The following TAFA2 variants were observed in gnomAD, a reference collection of about 807,000 sequenced individuals.
The protein encoded by TAFA2 is chemokine-like protein TAFA-2.
TAFA2 carries 7 observed loss-of-function variants against 18.8 expected under a neutral mutation model. That is an observed-to-expected ratio of 0.37 (90% confidence interval 0.21 to 0.70). The LOEUF (loss-of-function observed/expected upper bound fraction) is 0.70, where lower values mean the gene tolerates loss of function less well. Among genes scored for constraint, TAFA2 ranks in the 30% least tolerant of loss-of-function variants. TAFA2 has a pLI of 0.53. For synonymous variants in TAFA2, 60 were observed against 54.2 expected (o/e 1.11, Z -0.47); for missense variants, 122 against 158.1 (o/e 0.77, Z 1.23).
chr12:61,928,202 A>G (rs1198804626), intron 1 of TAFA2, among the ~76,000 whole-genome samples: 1 of 152,174 alleles, frequency 6.6e-6, no homozygotes, highest in Non-Finnish European at 1.5e-5. Flanking sequence ...GCAAAAGAAA[A>G]TATCATCAGA....
intron 1 of TAFA2, among the ~76,000 whole-genome samples, chr12:61,892,862 A>C (rs928018305): frequency 2.0e-5 from 3 of 152,216 alleles, no homozygotes; most frequent in African/African-American, 7.2e-5. Context: ...GTATGTCCTA[A>C]TAGTTTATAG....
intron 1 of TAFA2, among the ~76,000 whole-genome samples, chr12:62,115,816 A>C (rs1292717133): frequency 1.3e-5 from 2 of 152,154 alleles, no homozygotes; most frequent in African/African-American, 2.4e-5. Flanking sequence ...TCACTGGCCC[A>C]AGCAGGTGAT....
At chr12:62,034,303 G>A (rs150474033) in intron 1 of TAFA2, among the ~76,000 whole-genome samples, 3 of 152,206 alleles carry the variant, frequency 2.0e-5, no homozygotes, top group African/African-American at 2.4e-5. Context: ...GTCAGGTACC[G>A]CCTGGCAGAT....
intron 1 of TAFA2, among the ~76,000 whole-genome samples, chr12:62,132,346 A>G (rs928600859): frequency 2.6e-5 from 4 of 151,726 alleles, no homozygotes; most frequent in Admixed American, 6.6e-5. Context: ...GTATCTCCCC[A>G]GTATCTATTT....
At chr12:62,182,427 C>A (rs534192132) in intron 1 of TAFA2, among the ~76,000 whole-genome samples, 100 of 152,290 alleles carry the variant, frequency 6.6e-4, no homozygotes, top group Non-Finnish European at 1.3e-3. Context: ...GGCTTCCCAC[C>A]TTTTCGAATG....
At chr12:62,224,122 AT>A (rs2062776062) in intron 1 of TAFA2, among the ~76,000 whole-genome samples, 1 of 137,586 alleles carries the variant, frequency 7.3e-6, no homozygotes, top group East Asian at 2.2e-4. Flanking sequence ...CACACACACA[AT>A]GGAATATTAT....
At chr12:61,882,566 A>G (rs1235672745) in intron 1 of TAFA2, among the ~76,000 whole-genome samples, 1 of 152,190 alleles carries the variant, frequency 6.6e-6, no homozygotes. Context: ...TTAAAAGACA[A>G]TTCAGAACTG....
intron 1 of TAFA2, among the ~76,000 whole-genome samples, chr12:61,892,526 T>C (rs927300252): frequency 3.9e-5 from 6 of 152,344 alleles, no homozygotes; most frequent in Admixed American, 2.0e-4. Flanking sequence ...AAACATTGCA[T>C]AGGACATACC....
intron 1 of TAFA2, among the ~76,000 whole-genome samples, chr12:61,962,434 A>G (rs1026658700): frequency 3.9e-5 from 6 of 151,982 alleles, no homozygotes; most frequent in Non-Finnish European, 8.8e-5. Context: ...TGAGGACTGG[A>G]ATCATGGATT....
intron 1 of TAFA2, among the ~76,000 whole-genome samples, chr12:62,034,856 T>C (rs2136750908): frequency 6.6e-6 from 1 of 152,312 alleles, no homozygotes; most frequent in East Asian, 1.9e-4. Flanking sequence ...GAAGCAATGC[T>C]CATTAAATTT....
chr12:61,726,021 T>C (rs77668455), intron 4 of TAFA2, among the ~76,000 whole-genome samples: 31 of 47,316 alleles, frequency 6.6e-4, no homozygotes, highest in African/African-American at 1.3e-3. Flanking sequence ...TTCTTTTTTC[T>C]TTTTTTTTTT....
chr12:61,976,295 T>C (rs1379033860), intron 1 of TAFA2, among the ~76,000 whole-genome samples: 1 of 151,892 alleles, frequency 6.6e-6, no homozygotes, highest in East Asian at 1.9e-4. Flanking sequence ...ACCAACATGA[T>C]AGAACCTGTC....
At chr12:62,095,599 T>C (rs943315334) in intron 1 of TAFA2, among the ~76,000 whole-genome samples, 1 of 152,110 alleles carries the variant, frequency 6.6e-6, no homozygotes, top group Non-Finnish European at 1.5e-5. Flanking sequence ...CCAATTCCCA[T>C]ACTAACCTAT....
chr12:62,191,221 A>C (rs2062622073), intron 1 of TAFA2, 38 bp downstream of exon 1: 1 of 151,670 alleles, frequency 6.6e-6, no homozygotes, highest in Admixed American at 6.6e-5. Flanking sequence ...TCCGGTCCCC[A>C]GCGCTGGCCG....
At chr12:62,018,560 A>G (rs979567876) in intron 1 of TAFA2, among the ~76,000 whole-genome samples, 1 of 152,224 alleles carries the variant, frequency 6.6e-6, no homozygotes, top group Non-Finnish European at 1.5e-5. Context: ...CCTCACAAAA[A>G]TAAGAAATGG....
chr12:61,973,704 AC>A (rs1180638927), intron 1 of TAFA2, among the ~76,000 whole-genome samples: 1 of 151,706 alleles, frequency 6.6e-6, no homozygotes, highest in African/African-American at 2.4e-5. Flanking sequence ...CTTAAAGGAA[AC>A]CTGATTAGCC....
intron 1 of TAFA2, chr12:62,207,354 C>A (rs926616275): frequency 6.6e-6 from 1 of 152,052 alleles, no homozygotes; most frequent in African/African-American, 2.4e-5. Context: ...TGACTTTAAG[C>A]CTCAATACTG....
At chr12:62,190,746 C>T (rs73317618) in intron 1 of TAFA2, among the ~76,000 whole-genome samples, 113 of 152,248 alleles carry the variant, frequency 7.4e-4, no homozygotes, top group African/African-American at 2.5e-3. Context: ...GAAACACCCA[C>T]CTTCTGCAAA....
intron 1 of TAFA2, among the ~76,000 whole-genome samples, chr12:62,030,933 TA>T (rs1399771522): frequency 6.6e-6 from 1 of 152,106 alleles, no homozygotes; most frequent in African/African-American, 2.4e-5. Context: ...ACGCAGAAGT[TA>T]TAGAGGAGGT....
Sources: gnomAD v4.1 joint callset for allele counts (sites outside exome capture counted in the v4.1 genomes callset) on GRCh38, gnomAD v4.1.1 for gene constraint, MANE v1.5 for transcripts, NCBI Gene and HGNC (gene_info 2026-07-23, HGNC 2026-07-21) for gene names.